CAND1: variants seen among roughly 807,000 people sequenced by gnomAD.
CAND1 encodes cullin associated and neddylation dissociated 1, also known as cullin-associated NEDD8-dissociated protein 1.
A neutral mutation model predicts 108.5 loss-of-function variants in CAND1; 7 were observed. The ratio of observed to expected loss-of-function variants is 0.06; its 90% CI spans 0.04 to 0.12. The LOEUF (loss-of-function observed/expected upper bound fraction) is 0.12. Ranked by LOEUF, CAND1 falls within the 10% of genes least tolerant of loss-of-function variation. The pLI is 1.00. For missense variants in CAND1, 941 were observed against 1,448.7 expected, an observed-to-expected ratio of 0.65 and a Z score of 5.69; for synonymous variants, 534 against 512.0, an observed-to-expected ratio of 1.04 and a Z score of -0.58.
chr12:67,289,825 G>GT lies in CAND1; in HGVS notation c.213-2789dup, dbSNP rs576994810. On this transcript the variant is annotated intron_variant, in intron 2 of 14. Coordinates refer to ENST00000545606, the MANE Select transcript of CAND1 (RefSeq NM_018448.5). Reference sequence around the variant, plus strand: ...GGATTAGGCTATATTTAACCTTTCAGTTTTTTTTATTTTTATCTTTTCTTT... The same window carrying GT: ...GGATTAGGCTATATTTAACCTTTCAGTTTTTTTTTATTTTTATCTTTTCTTT... Among the ~76,000 whole-genome samples the GT allele has an allele frequency of 4.0e-3, 602 of 151,944 alleles. 6 individuals carry two copies. The highest frequency in any genetic ancestry group is 0.014 in the African/African-American group (560 of 41,440).
At chr12:67,285,904 A>G (rs1184110541) in intron 2 of CAND1, among the ~76,000 whole-genome samples, 5 of 152,124 alleles carry the variant, frequency 3.3e-5, no homozygotes, top group African/African-American at 1.2e-4. Flanking sequence ...TGGTTTGTTT[A>G]TTCATTTGGT....
intron 4 of CAND1, 75 bp downstream of exon 4, chr12:67,295,231 A>C: frequency 7.4e-7 from 1 of 1,344,970 alleles, no homozygotes; most frequent in East Asian, 2.5e-5. Context: ...CTTTCTAGTA[A>C]ATATAATAAA....
At chr12:67,280,500 C>T (rs577935669) in intron 1 of CAND1, among the ~76,000 whole-genome samples, 15 of 152,088 alleles carry the variant, frequency 9.9e-5, no homozygotes, top group African/African-American at 3.4e-4. Context: ...TACAAAATAA[C>T]GTATTTTTAC....
At chr12:67,293,847 G>A (rs990917729) in intron 3 of CAND1, among the ~76,000 whole-genome samples, 1 of 152,172 alleles carries the variant, frequency 6.6e-6, no homozygotes, top group Non-Finnish European at 1.5e-5. Context: ...TAGTTTTCAT[G>A]CTAAAGGCTG....
intron 11 of CAND1, among the ~76,000 whole-genome samples, chr12:67,308,653 A>G (rs765110779): frequency 1.3e-5 from 2 of 152,032 alleles, no homozygotes; most frequent in Non-Finnish European, 2.9e-5. Flanking sequence ...CTAGTTCATG[A>G]CACCATTTTG....
intron 8 of CAND1, 146 bp from the exon 9 acceptor site, chr12:67,304,459 G>T: frequency 1.4e-6 from 1 of 734,234 alleles, no homozygotes; most frequent in South Asian, 2.1e-5. Context: ...TTGATCTTGT[G>T]TTAGCAATAG....
chr12:67,305,751 G>A lies in CAND1; in HGVS notation c.2083G>A (p.Asp695Asn), dbSNP rs756483018. The change falls in exon 10 of 15, where the codon GAT (aspartate) becomes AAT (asparagine). Residue 695 changes from aspartate to asparagine, a missense_variant. Asp to Asn is a conservative substitution (Grantham distance 23). This residue lies in a region of CAND1 where 697 missense variants were observed against 942.0 expected (regional missense o/e 0.74). Coordinates refer to ENST00000545606, the MANE Select transcript of CAND1 (RefSeq NM_018448.5). The surrounding 1 kb of genome is among the most constrained non-coding windows in gnomAD (Gnocchi z 4.4). ...AGCTGCCATGATTGATGCAGTTCTA[G>A]ATGAGCTCCCACCTCTTATCAGCGA... ...LTAAMIDAVL[D>N]ELPPLISESD... is the part of the protein sequence containing the mutation. The A allele has an allele frequency of 1.2e-6, 2 of 1,614,082 alleles. No individual in the cohort carries two copies. The highest frequency in any genetic ancestry group is 1.3e-5 in the African/African-American group (1 of 74,944).
chr12:67,296,951 C>T (rs2044775604), intron 4 of CAND1, among the ~76,000 whole-genome samples: 2 of 151,978 alleles, frequency 1.3e-5, no homozygotes, highest in South Asian at 4.2e-4. Context: ...GCATGCACCA[C>T]CACACGCAGC....
rs534795923 is a variant in CAND1, at chr12:67,280,439, C to T, written c.69-1471C>T. On this transcript the variant is annotated intron_variant, in intron 1 of 14. Coordinates refer to ENST00000545606, the MANE Select transcript of CAND1 (RefSeq NM_018448.5). ...TCCATAGCTGTTTATCAATTCAGCT[C>T]CAATAGTTGTTTTTTTGTTTAAACA... Among the ~76,000 whole-genome samples the T allele has an allele frequency of 3.9e-5, 6 of 152,306 alleles. No individual in the cohort carries two copies. The South Asian group carries it at 1.2e-3, about 32-fold the overall frequency.
At chr12:67,284,529 T>G (rs2044650433) in intron 2 of CAND1, among the ~76,000 whole-genome samples, 1 of 152,162 alleles carries the variant, frequency 6.6e-6, no homozygotes, top group Admixed American at 6.5e-5. Context: ...TTAGTTTACT[T>G]AGTATAATTA....
chr12:67,301,268 TA>T, intron 7 of CAND1, among the ~76,000 whole-genome samples: 1 of 152,136 alleles, frequency 6.6e-6, no homozygotes, highest in Non-Finnish European at 1.5e-5. Context: ...AAAATTTTAT[TA>T]TTTTGTTGTA....
intron 2 of CAND1, among the ~76,000 whole-genome samples, chr12:67,287,795 T>C (rs1449619946): frequency 1.3e-5 from 2 of 151,780 alleles, no homozygotes; most frequent in African/African-American, 2.4e-5. Flanking sequence ...TGTCTTTAGC[T>C]ACATCCTACA....
chr12:67,287,481 TAGTATCTCATACTTGTTAA>T lies in CAND1; in HGVS notation c.213-5137_213-5119del, dbSNP rs2044682361. ...TACTTAGTCTTTCAACCATGAACCA[TAGTATCTCATACTTGTTAA>T]AGTCGTTTTTGCTGAGTCCTCAGGA... On this transcript the variant is annotated intron_variant, in intron 2 of 14. Coordinates refer to ENST00000545606, the MANE Select transcript of CAND1 (RefSeq NM_018448.5). Among the ~76,000 whole-genome samples, 3 of 152,332 alleles carry T rather than the reference TAGTATCTCATACTTGTTAA, an allele frequency of 2.0e-5. No individual in the cohort carries two copies. The South Asian group carries it at 6.2e-4, about 32-fold the overall frequency.
At chr12:67,285,712 C>T (rs1376848676) in intron 2 of CAND1, among the ~76,000 whole-genome samples, 1 of 152,096 alleles carries the variant, frequency 6.6e-6, no homozygotes, top group Non-Finnish European at 1.5e-5. Context: ...CAATCAAGGT[C>T]ACTATTATTC....
chr12:67,285,063 G>T (rs2044657550), intron 2 of CAND1, among the ~76,000 whole-genome samples: 1 of 152,104 alleles, frequency 6.6e-6, no homozygotes, highest in Non-Finnish European at 1.5e-5. Flanking sequence ...ATAAGCTTTT[G>T]ATAAGTAGCT....
At position 67,285,262 on chromosome 12, in the gene CAND1, C is replaced by G. The variant is rs531630852; in HGVS notation, c.212+3209C>G. Among the ~76,000 whole-genome samples the G allele has an allele frequency of 2.0e-5, 3 of 152,236 alleles. No homozygotes were observed. In the East Asian group the frequency reaches 5.8e-4, roughly 29 times the overall value. ...TTTATGGGAGAAAAATTTTAAAATA[C>G]TTGAAGATACAAAAATGTACTTGAA... On this transcript the variant is annotated intron_variant, in intron 2 of 14. Transcript: ENST00000545606.
chr12:67,311,886 A>AGTG (rs2044954259), intron 14 of CAND1, 86 bp downstream of exon 14: 1 of 779,340 alleles, frequency 1.3e-6, no homozygotes, highest in East Asian at 2.5e-5. Flanking sequence ...TCCAAATATA[A>AGTG]CTATTCCAGT....
At chr12:67,298,694 T>G (rs2044792876) in intron 6 of CAND1, among the ~76,000 whole-genome samples, 2 of 152,170 alleles carry the variant, frequency 1.3e-5, no homozygotes, top group African/African-American at 4.8e-5. Context: ...CTGTCTATAC[T>G]GCCATACATT....
rs1330611799 is a variant in CAND1, at chr12:67,297,637, T to C, written c.722T>C (p.Ile241Thr). 2 of 1,613,064 alleles carry C rather than the reference T, an allele frequency of 1.2e-6. No individual in the cohort carries two copies. Among genetic ancestry groups the C allele is most frequent in the Non-Finnish European group, 1.7e-6 (2 of 1,179,222 alleles). ...TRTYIQCIAAISRQAGHRIGE... is the reference protein window; with the variant it reads ...TRTYIQCIAATSRQAGHRIGE... ...ACCTACATACAATGTATTGCTGCTA[T>C]TAGTAGGCAAGCTGGTCATAGAATA... The change falls in exon 5 of 15, where the codon ATT (isoleucine) becomes ACT (threonine). Residue 241 changes from isoleucine to threonine, a missense_variant. Ile to Thr is a moderately conservative substitution (Grantham distance 89, BLOSUM62 -1). Coordinates refer to ENST00000545606, the MANE Select transcript of CAND1 (RefSeq NM_018448.5).
Sources: allele counts gnomAD v4.1 joint callset (sites outside exome capture counted in the v4.1 genomes callset), GRCh38; gene constraint gnomAD v4.1.1; regional missense constraint gnomAD v4.1.1; non-coding constraint Gnocchi (gnomAD v3.1); transcripts MANE v1.5; gene names NCBI Gene and HGNC (gene_info 2026-07-23, HGNC 2026-07-21).